Variants in FAM227B observed in about 807,000 individuals in gnomAD.
FAM227B encodes the protein protein FAM227B.
A neutral mutation model predicts 73.8 loss-of-function variants in FAM227B; 88 were observed. The observed-to-expected ratio is 1.19, with a 90% CI of 1.00 to 1.42. The LOEUF is 1.42. Among genes scored for constraint, FAM227B ranks in the 40% most tolerant of loss-of-function variants. FAM227B has a pLI of 0.00. For missense variants in FAM227B, 632 were observed against 590.9 expected, an observed-to-expected ratio of 1.07 and a Z score of -0.72; for synonymous variants, 210 against 190.5, an observed-to-expected ratio of 1.10 and a Z score of -0.84.
chr15:49,338,160 G>A (rs1371583669), intron 13 of FAM227B, among the ~76,000 whole-genome samples: 1 of 152,138 alleles, frequency 6.6e-6, no homozygotes, highest in African/African-American at 2.4e-5. Context: ...TGTGTGAACT[G>A]GATCCTGCCA....
chr15:49,399,269 A>C (rs12915258), intron 11 of FAM227B, among the ~76,000 whole-genome samples: 2 of 91,968 alleles, frequency 2.2e-5, no homozygotes, highest in African/African-American at 4.4e-5. Flanking sequence ...TAAATTCCTC[A>C]ACACATACAC....
chr15:49,619,417 G>C (rs2153347111), intron 1 of FAM227B, among the ~76,000 whole-genome samples: 1 of 152,280 alleles, frequency 6.6e-6, no homozygotes, highest in South Asian at 2.1e-4. Context: ...CTTGTTCATT[G>C]CAACACTCCC....
intron 11 of FAM227B, among the ~76,000 whole-genome samples, chr15:49,379,023 A>C (rs1223833777): frequency 6.6e-6 from 1 of 152,060 alleles, no homozygotes; most frequent in Non-Finnish European, 1.5e-5. Flanking sequence ...AAACTTTATC[A>C]AATGCTTTTT....
intron 11 of FAM227B, chr15:49,424,674 C>T: frequency 9.6e-7 from 1 of 1,044,234 alleles, no homozygotes; most frequent in South Asian, 2.1e-5. Flanking sequence ...CCTTTTGCTT[C>T]TTGGAAAAAA....
chr15:49,463,292 A>C (rs1044504607), intron 11 of FAM227B, among the ~76,000 whole-genome samples: 1 of 152,236 alleles, frequency 6.6e-6, no homozygotes, highest in Admixed American at 6.5e-5. Context: ...AGTGGCTCAC[A>C]CCTGTAATCC....
intron 14 of FAM227B, among the ~76,000 whole-genome samples, chr15:49,335,157 C>G (rs1299600461): frequency 6.6e-6 from 1 of 152,168 alleles, no homozygotes; most frequent in Non-Finnish European, 1.5e-5. Flanking sequence ...CCCTGGAGCT[C>G]TTGCCTCTTC....
intron 11 of FAM227B, among the ~76,000 whole-genome samples, chr15:49,409,164 T>G (rs933083995): frequency 3.3e-5 from 5 of 152,128 alleles, no homozygotes; most frequent in Non-Finnish European, 7.4e-5. Context: ...CTTAGCAAGT[T>G]TCACTTCAGT....
chr15:49,486,489 A>G (rs949290653), intron 11 of FAM227B: 4 of 152,018 alleles, frequency 2.6e-5, no homozygotes, highest in African/African-American at 9.7e-5. Flanking sequence ...CTATCTGTTC[A>G]TAATCAGTTT....
intron 11 of FAM227B, among the ~76,000 whole-genome samples, chr15:49,420,957 C>T (rs989346030): frequency 7.2e-5 from 11 of 152,114 alleles, no homozygotes; most frequent in African/African-American, 1.9e-4. Context: ...CCATCCGCCT[C>T]GGCCTCCCAA....
At chr15:49,485,288 G>A (rs544082512) in intron 11 of FAM227B, 1 of 152,352 alleles carries the variant, frequency 6.6e-6, no homozygotes, top group South Asian at 2.1e-4. Context: ...AAGTAAAATT[G>A]AGAAATCTTT....
chr15:49,328,106 AGTTT>A lies in FAM227B; in HGVS notation c.*458_*461del. 1.1e-5 allele frequency: 18 copies of A among 1,614,082 alleles called. No individual in the cohort carries two copies. The highest frequency in any genetic ancestry group is 1.5e-5 in the Non-Finnish European group (18 of 1,179,996). On this transcript the variant is annotated 3_prime_UTR_variant, in exon 16 of 16. Coordinates refer to ENST00000299338, the MANE Select transcript of FAM227B (RefSeq NM_152647.3). ...TGGAAGCTTAGCACCGGAGAAGCAA[AGTTT>A]GTTTGCTACCAAACCTGGAGGTGGG...
intron 11 of FAM227B, among the ~76,000 whole-genome samples, chr15:49,448,684 T>C (rs981489094): frequency 6.6e-6 from 1 of 151,618 alleles, no homozygotes; most frequent in African/African-American, 2.4e-5. Context: ...CATATATATA[T>C]ATATAATAAA....
At chr15:49,583,896 C>T (rs895625343) in intron 5 of FAM227B, among the ~76,000 whole-genome samples, 4 of 152,066 alleles carry the variant, frequency 2.6e-5, no homozygotes, top group South Asian at 2.1e-4. Flanking sequence ...TTAAAGCCCA[C>T]GACCAGATAA....
intron 10 of FAM227B, 119 bp downstream of exon 10, chr15:49,541,561 A>AT (rs1421770050): frequency 1.2e-6 from 1 of 865,940 alleles, no homozygotes; most frequent in Non-Finnish European, 1.6e-6. Context: ...GGGTACTGCT[A>AT]TGGCATGCTT....
chr15:49,379,850 A>G (rs1466591927), intron 11 of FAM227B, among the ~76,000 whole-genome samples: 1 of 152,196 alleles, frequency 6.6e-6, no homozygotes, highest in African/African-American at 2.4e-5. Flanking sequence ...AAGCCGGCAC[A>G]GCACTGGGTC....
At chr15:49,417,538 G>A (rs963073640) in intron 11 of FAM227B, among the ~76,000 whole-genome samples, 9 of 152,012 alleles carry the variant, frequency 5.9e-5, no homozygotes, top group South Asian at 2.1e-4. Flanking sequence ...CTATCTGATC[G>A]TTGACAAATC....
At chr15:49,497,712 T>C (rs2057749996) in intron 11 of FAM227B, among the ~76,000 whole-genome samples, 1 of 152,232 alleles carries the variant, frequency 6.6e-6, no homozygotes, top group Non-Finnish European at 1.5e-5. Context: ...ACCTCTTTAG[T>C]GATCTTTACC....
chr15:49,364,812 A>C (rs2044845419), intron 13 of FAM227B, among the ~76,000 whole-genome samples: 1 of 152,164 alleles, frequency 6.6e-6, no homozygotes, highest in African/African-American at 2.4e-5. Flanking sequence ...TAGAGTTGGA[A>C]GAAACATTTG....
chr15:49,438,107 C>T (rs1324758399), intron 11 of FAM227B, among the ~76,000 whole-genome samples: 1 of 151,342 alleles, frequency 6.6e-6, no homozygotes, highest in Non-Finnish European at 1.5e-5. Flanking sequence ...TCAGGAGTAC[C>T]AAGTTCAAGA....
Sources: gnomAD v4.1 joint callset for allele counts (sites outside exome capture counted in the v4.1 genomes callset) on GRCh38, gnomAD v4.1.1 for gene constraint, MANE v1.5 for transcripts, NCBI Gene and HGNC (gene_info 2026-07-23, HGNC 2026-07-21) for gene names.